The following SLCO1A2 variants were observed in gnomAD, a reference collection of about 807,000 sequenced individuals.
The protein encoded by SLCO1A2 is solute carrier organic anion transporter family member 1A2.
A neutral mutation model predicts 69.0 loss-of-function variants in SLCO1A2; 67 were observed. That is an observed-to-expected ratio of 0.97 (90% confidence interval 0.80 to 1.19). SLCO1A2 has a LOEUF of 1.19. Ranked by LOEUF, SLCO1A2 falls within the 50% of genes most tolerant of loss-of-function variation. The pLI, the probability that SLCO1A2 is intolerant of heterozygous loss-of-function variation, is 0.00. For missense variants in SLCO1A2, 787 were observed against 793.7 expected, an observed-to-expected ratio of 0.99 and a Z score of 0.10; for synonymous variants, 260 against 265.9, an observed-to-expected ratio of 0.98 and a Z score of 0.22.
intron 2 of SLCO1A2, among the ~76,000 whole-genome samples, chr12:21,341,001 G>A (rs916585347): frequency 4.6e-5 from 7 of 151,754 alleles, no homozygotes; most frequent in African/African-American, 1.7e-4. Flanking sequence ...ACTGTTCTAG[G>A]GGCATTGCAG....
intron 1 of SLCO1A2, among the ~76,000 whole-genome samples, chr12:21,417,062 T>A (rs1431749124): frequency 6.6e-6 from 1 of 152,154 alleles, no homozygotes; most frequent in Non-Finnish European, 1.5e-5. Flanking sequence ...ATGCAGTAAG[T>A]AGCACACAGT....
At chr12:21,347,669 A>AAAGGAAGGAAGGAAGGAAGGAATGAAGG (rs1953311340) in intron 2 of SLCO1A2, among the ~76,000 whole-genome samples, 1 of 113,422 alleles carries the variant, frequency 8.8e-6, no homozygotes, top group Admixed American at 9.4e-5. Flanking sequence ...AGAAAGAAAG[A>AAAGGAAGGAAGGAAGGAAGGAATGAAGG]AAGGAAGGAA....
intron 12 of SLCO1A2, among the ~76,000 whole-genome samples, chr12:21,285,657 A>C (rs1945629049): frequency 7.3e-6 from 1 of 136,340 alleles, no homozygotes; most frequent in East Asian, 2.1e-4. Flanking sequence ...AAGCTTATCC[A>C]CCATGATCAA....
At chr12:21,281,668 C>A (rs1312847358) in intron 12 of SLCO1A2, among the ~76,000 whole-genome samples, 1 of 151,650 alleles carries the variant, frequency 6.6e-6, no homozygotes, top group Non-Finnish European at 1.5e-5. Flanking sequence ...GCCAAAATAA[C>A]TAGGAAAAAA....
chr12:21,298,047 A>G (rs969203280), intron 8 of SLCO1A2, among the ~76,000 whole-genome samples: 5 of 152,302 alleles, frequency 3.3e-5, no homozygotes, highest in Non-Finnish European at 7.4e-5. Context: ...TGAAATAAAG[A>G]TGTGTGGGAA....
At chr12:21,363,629 A>G (rs897186576) in intron 2 of SLCO1A2, among the ~76,000 whole-genome samples, 4 of 152,230 alleles carry the variant, frequency 2.6e-5, no homozygotes, top group African/African-American at 4.8e-5. Context: ...GAAAAGATGA[A>G]CAAAATTGAT....
chr12:21,271,502 A>C (rs1422997347), intron 14 of SLCO1A2, among the ~76,000 whole-genome samples: 1 of 151,324 alleles, frequency 6.6e-6, no homozygotes, highest in Non-Finnish European at 1.5e-5. Context: ...GTCATTTATC[A>C]GGTCGTTCTA....
At position 21,293,969 on chromosome 12, in the gene SLCO1A2, T is replaced by G; in HGVS notation, c.1413A>C (p.Thr471=). The G allele has an allele frequency of 1.2e-6, 2 of 1,610,370 alleles. No homozygotes were observed. Among genetic ancestry groups the G allele is most frequent in the Non-Finnish European group, 1.7e-6 (2 of 1,178,620 alleles). Reference sequence around the variant, plus strand: ...CCATGTTTATTCCCGTTCCAATGGATGTCTCACAACCAGCAAGACAAGCTG... The same window carrying G: ...CCATGTTTATTCCCGTTCCAATGGAGGTCTCACAACCAGCAAGACAAGCTG... The part of the protein sequence containing the change: ...YLSACLAGCE[T]SIGTGINMVF... The change falls in exon 11 of 15, where the codon ACA becomes ACC. Residue 471 remains threonine (T), a synonymous_variant. Transcript: ENST00000683939.
At chr12:21,386,453 A>T (rs953675978) in intron 1 of SLCO1A2, among the ~76,000 whole-genome samples, 2 of 152,060 alleles carry the variant, frequency 1.3e-5, no homozygotes, top group African/African-American at 4.8e-5. Context: ...GAGGTAATTG[A>T]ATCATGGAGG....
intron 1 of SLCO1A2, among the ~76,000 whole-genome samples, chr12:21,402,280 G>C (rs1382380986): frequency 6.6e-6 from 1 of 151,836 alleles, no homozygotes; most frequent in Non-Finnish European, 1.5e-5. Flanking sequence ...TGAGAGGTGA[G>C]CTTTATAACC....
chr12:21,301,137 C>T, intron 7 of SLCO1A2, 34 bp downstream of exon 7: 10 of 1,398,160 alleles, frequency 7.2e-6, no homozygotes, highest in Non-Finnish European at 1.0e-5. Context: ...TTTGTATAGT[C>T]TAGACACTGT....
At chr12:21,286,816 G>C (rs1377478880) in intron 12 of SLCO1A2, among the ~76,000 whole-genome samples, 1 of 137,168 alleles carries the variant, frequency 7.3e-6, no homozygotes, top group Non-Finnish European at 1.6e-5. Context: ...TATGTAGAAA[G>C]CTGAAACTGG....
intron 2 of SLCO1A2, among the ~76,000 whole-genome samples, chr12:21,356,131 C>T (rs984263305): frequency 6.6e-6 from 1 of 151,934 alleles, no homozygotes; most frequent in Non-Finnish European, 1.5e-5. Flanking sequence ...AAGTAACTAG[C>T]GCTGTGACTT....
At chr12:21,381,080 G>A (rs1435053977) in intron 1 of SLCO1A2, among the ~76,000 whole-genome samples, 2 of 152,038 alleles carry the variant, frequency 1.3e-5, no homozygotes, top group Non-Finnish European at 2.9e-5. Flanking sequence ...GTGGGCTTAA[G>A]TATGTACACT....
intron 12 of SLCO1A2, among the ~76,000 whole-genome samples, chr12:21,289,994 C>T (rs370799711): frequency 2.0e-5 from 3 of 148,812 alleles, no homozygotes; most frequent in Non-Finnish European, 4.4e-5. Context: ...ATAGAGAAAC[C>T]GTTTGTTTTT....
chr12:21,319,507 C>A, intron 2 of SLCO1A2: 1 of 1,336,694 alleles, frequency 7.5e-7, no homozygotes, highest in Non-Finnish European at 1.0e-6. Flanking sequence ...TGCTCTGCAA[C>A]CCTTGAGCTC....
At chr12:21,339,039 A>C (rs1952982697), upstream of SLCO1A2, among the ~76,000 whole-genome samples, 1 of 152,014 alleles carries the variant, frequency 6.6e-6, no homozygotes, top group African/African-American at 2.4e-5. Flanking sequence ...AATATTTATG[A>C]CTACTTTGCA....
upstream of SLCO1A2, among the ~76,000 whole-genome samples, chr12:21,418,357 C>T (rs1218901434): frequency 2.0e-5 from 3 of 152,144 alleles, no homozygotes; most frequent in Non-Finnish European, 4.4e-5. Flanking sequence ...TTACTGAGAA[C>T]TGCAGGTGTT....
Position 21,269,273 on chromosome 12 carries a change from G to A in SLCO1A2, c.*275C>T, listed in dbSNP as rs528074120. The A allele has an allele frequency of 8.0e-6, 2 of 250,954 alleles. No homozygotes were observed. Among genetic ancestry groups the A allele is most frequent in the East Asian group, 1.7e-4 (2 of 11,658 alleles). 15.5% of individuals were successfully genotyped at this position (250,954 alleles called of 1,614,324 possible). A position where few individuals can be genotyped will look rare whatever the true frequency, so the allele number is the denominator to read the frequency against. ...GATGTAGGAAGTACACCCTTACTTCGATGAATTAAGGGAAATTGCTGTTTC... is the reference window on the plus strand; with the variant it reads ...GATGTAGGAAGTACACCCTTACTTCAATGAATTAAGGGAAATTGCTGTTTC... On this transcript the variant is annotated 3_prime_UTR_variant, in exon 15 of 15. Coordinates refer to ENST00000683939, the MANE Select transcript of SLCO1A2 (RefSeq NM_001386879.1).
Sources: allele counts gnomAD v4.1 joint callset (sites outside exome capture counted in the v4.1 genomes callset), GRCh38; gene constraint gnomAD v4.1.1; transcripts MANE v1.5; gene names NCBI Gene and HGNC (gene_info 2026-07-23, HGNC 2026-07-21).